Variants in PTPN12 observed in about 807,000 individuals in gnomAD.
The protein encoded by PTPN12 is tyrosine-protein phosphatase non-receptor type 12.
In PTPN12, 29 loss-of-function variants were observed where a neutral mutation model predicts 97.6. The ratio of observed to expected loss-of-function variants is 0.30; its 90% CI spans 0.22 to 0.41. PTPN12 has a LOEUF of 0.41. Ranked by LOEUF, PTPN12 falls within the 10% of genes least tolerant of loss-of-function variation. The pLI is 1.00. For missense variants in PTPN12, 819 were observed against 926.0 expected (o/e 0.88, Z 1.50); for synonymous variants, 327 against 300.4 (o/e 1.09, Z -0.91).
In PTPN12 at chr7:77,637,073, C is replaced by CT. The variant is rs750229466; in HGVS notation, c.2173+30dup. ...GGTAAGTTGTTAGATTTTTTTTTTC[C>CT]TTTTTACTGTAGATTTTATTGATTA... On this transcript the variant is annotated intron_variant, in intron 16 of 17. Transcript: ENST00000248594. 6 of 1,558,976 alleles carry CT rather than the reference C, an allele frequency of 3.8e-6. No homozygotes were observed. The South Asian group carries it at 6.8e-5, about 18-fold the overall frequency.
chr7:77,577,446 AT>A (rs879344971), intron 2 of PTPN12, among the ~76,000 whole-genome samples: 132 of 148,346 alleles, frequency 8.9e-4, no homozygotes, highest in South Asian at 8.6e-4. Context: ...ATAATGCCCT[AT>A]TTTTTTTTTC....
chr7:77,585,001 G>C (rs1414412246), intron 4 of PTPN12: 1 of 152,148 alleles, frequency 6.6e-6, no homozygotes, highest in Non-Finnish European at 1.5e-5. Flanking sequence ...TGGATTGATA[G>C]AGGGATAGCT....
At chr7:77,559,780 A>G (rs1291235722) in intron 1 of PTPN12, among the ~76,000 whole-genome samples, 2 of 152,188 alleles carry the variant, frequency 1.3e-5, no homozygotes, top group Non-Finnish European at 2.9e-5. Flanking sequence ...CGTCTAGCAG[A>G]CTTGCCCTGC....
chr7:77,592,212 T>G lies in PTPN12; in HGVS notation c.448T>G (p.Tyr150Asp), dbSNP rs753440093. ...AAAATGTGAGCGCTATTGGCCTTTGTATGGAGAAGACCCCATAACGTTTGC... is the reference window on the plus strand; with the variant it reads ...AAAATGTGAGCGCTATTGGCCTTTGGATGGAGAAGACCCCATAACGTTTGC... ...RKKCERYWPLYGEDPITFAPF... is the reference protein window; with the variant it reads ...RKKCERYWPLDGEDPITFAPF... The change falls in exon 6 of 18, where the codon TAT becomes GAT. Residue 150 changes from tyrosine (Y) to aspartate (D), a missense_variant. Coordinates refer to ENST00000248594, the MANE Select transcript of PTPN12 (RefSeq NM_002835.4). The G allele has an allele frequency of 6.2e-7, 1 of 1,606,410 alleles. No homozygotes were observed. Among genetic ancestry groups the G allele is most frequent in the African/African-American group, 1.3e-5 (1 of 74,316 alleles).
At chr7:77,631,910 A>G (rs1789411554) in intron 13 of PTPN12, among the ~76,000 whole-genome samples, 1 of 152,242 alleles carries the variant, frequency 6.6e-6, no homozygotes, top group Non-Finnish European at 1.5e-5. Context: ...TGAATAGGAC[A>G]CATGTTACAT....
At chr7:77,569,267 C>T (rs1402224326) in intron 1 of PTPN12, among the ~76,000 whole-genome samples, 1 of 152,120 alleles carries the variant, frequency 6.6e-6, no homozygotes, top group African/African-American at 2.4e-5. Context: ...TACATATATA[C>T]ATACTGCACT....
intron 5 of PTPN12, among the ~76,000 whole-genome samples, chr7:77,588,507 T>C (rs116496847): frequency 0.019 from 2,919 of 152,220 alleles, 85 homozygotes; most frequent in African/African-American, 0.066. Flanking sequence ...ATAACAGATA[T>C]CATCATAATG....
intron 1 of PTPN12, among the ~76,000 whole-genome samples, chr7:77,546,875 G>A (rs1807246072): frequency 6.6e-6 from 1 of 152,158 alleles, no homozygotes; most frequent in Non-Finnish European, 1.5e-5. Flanking sequence ...AAAACCATCA[G>A]ATCTTGTGAG....
At chr7:77,571,557 G>T (rs187273319) in intron 2 of PTPN12, among the ~76,000 whole-genome samples, 8 of 152,016 alleles carry the variant, frequency 5.3e-5, no homozygotes, top group African/African-American at 1.9e-4. Context: ...CTATACATAA[G>T]AACCTTAATT....
intron 14 of PTPN12, among the ~76,000 whole-genome samples, chr7:77,635,078 C>G (rs1465339131): frequency 6.6e-6 from 1 of 152,102 alleles, no homozygotes; most frequent in African/African-American, 2.4e-5. Flanking sequence ...CTCCTGACCT[C>G]AAGTGATCTG....
At chr7:77,575,267 A>T (rs1787302879) in intron 2 of PTPN12, among the ~76,000 whole-genome samples, 1 of 152,184 alleles carries the variant, frequency 6.6e-6, no homozygotes. Flanking sequence ...AGCTGGGCAG[A>T]TTATTTGAGC....
intron 13 of PTPN12, among the ~76,000 whole-genome samples, chr7:77,628,474 A>G (rs959725679): frequency 3.9e-5 from 6 of 152,188 alleles, no homozygotes; most frequent in African/African-American, 1.4e-4. Flanking sequence ...ATCAGTGGTC[A>G]CTTACCTATC....
In PTPN12 at chr7:77,627,207, C is replaced by T. The variant is rs1185826080; in HGVS notation, c.1528C>T (p.Pro510Ser). ...VTQSNKVSVT[P>S]PEESQNSDTP... ...ACAATCAAACAAAGTTTCAGTTACT[C>T]CACCAGAAGAATCCCAGAATTCAGA... Residue 510 changes from proline (P) to serine (S), a missense_variant, in exon 13 of 18, where the codon CCA (proline) becomes TCA (serine). Transcript: ENST00000248594. 2.5e-6 allele frequency: 4 copies of T among 1,613,958 alleles called. No homozygotes were observed. Among genetic ancestry groups the T allele is most frequent in the Admixed American group, 1.7e-5 (1 of 59,990 alleles).
At chr7:77,592,164 A>ATTT (rs11394786) in intron 5 of PTPN12, 21 bp from the exon 6 acceptor site, 3 of 1,309,746 alleles carry the variant, frequency 2.3e-6, no homozygotes, top group South Asian at 1.4e-5. Flanking sequence ...TTACTTACTA[A>ATTT]TTTTTTTTTT....
intron 1 of PTPN12, among the ~76,000 whole-genome samples, chr7:77,560,367 A>C (rs1562712108): frequency 6.6e-6 from 1 of 152,208 alleles, no homozygotes; most frequent in East Asian, 1.9e-4. Context: ...TTCCCTTAAA[A>C]AATTTTTTTT....
intron 2 of PTPN12, among the ~76,000 whole-genome samples, chr7:77,576,815 G>T (rs1356747710): frequency 1.3e-5 from 2 of 152,228 alleles, no homozygotes; most frequent in African/African-American, 4.8e-5. Context: ...GGGTGCTGTG[G>T]CTTTCTCCCT....
intron 4 of PTPN12, among the ~76,000 whole-genome samples, chr7:77,584,766 A>T (rs148631270): frequency 6.6e-6 from 1 of 151,850 alleles, no homozygotes; most frequent in Non-Finnish European, 1.5e-5. Flanking sequence ...AGTCCCAGCT[A>T]CTCAGCAGGC....
intron 2 of PTPN12, among the ~76,000 whole-genome samples, chr7:77,574,854 C>T (rs1387341620): frequency 6.6e-6 from 1 of 151,600 alleles, no homozygotes; most frequent in East Asian, 1.9e-4. Flanking sequence ...TTTTTTGAGA[C>T]AGAATCTCAC....
At chr7:77,635,543 C>G (rs913425597) in intron 14 of PTPN12, among the ~76,000 whole-genome samples, 3 of 152,168 alleles carry the variant, frequency 2.0e-5, no homozygotes, top group Non-Finnish European at 2.9e-5. Context: ...CTGTAATACA[C>G]TGATGACTGA....
Sources: gnomAD v4.1 joint callset for allele counts (sites outside exome capture counted in the v4.1 genomes callset) on GRCh38, gnomAD v4.1.1 for gene constraint, MANE v1.5 for transcripts, NCBI Gene and HGNC (gene_info 2026-07-23, HGNC 2026-07-21) for gene names.